RBM46: variants seen among roughly 807,000 people sequenced by gnomAD.
The protein encoded by RBM46 is RNA binding motif protein 46.
A neutral mutation model predicts 43.3 loss-of-function variants in RBM46; 12 were observed. The ratio of observed to expected loss-of-function variants is 0.28; its 90% confidence interval spans 0.18 to 0.45. RBM46 has a LOEUF of 0.45. Ranked by LOEUF, RBM46 falls within the 20% of genes least tolerant of loss-of-function variation. The pLI is 1.00. For missense variants in RBM46, 412 were observed against 639.1 expected, an observed-to-expected ratio of 0.64 and a Z score of 3.83; for synonymous variants, 205 against 207.6, an observed-to-expected ratio of 0.99 and a Z score of 0.11.
Position 154,799,476 on chromosome 4 carries a change from A to G in RBM46, c.1314A>G (p.Gly438=), listed in dbSNP as rs1219356261. 1.9e-6 allele frequency: 3 copies of G among 1,613,656 alleles called. No homozygotes were observed. In the Admixed American group the frequency reaches 5.0e-5, roughly 27 times the overall value. Residue 438 remains glycine (G), a synonymous_variant, in exon 4 of 5, where the codon GGA becomes GGG. Coordinates refer to ENST00000281722, the MANE Select transcript of RBM46 (RefSeq NM_144979.5). ...YKIVIPAIAN[G]SQSYFMPDKL... is the part of the protein sequence containing the mutation. Reference sequence around the variant, plus strand: ...TAGTTATTCCTGCTATTGCAAATGGATCCCAGAGTTACTTCATGCCAGACA... The same window carrying G: ...TAGTTATTCCTGCTATTGCAAATGGGTCCCAGAGTTACTTCATGCCAGACA...
chr4:154,801,143 T>C (rs1734618347), intron 4 of RBM46, among the ~76,000 whole-genome samples: 1 of 152,088 alleles, frequency 6.6e-6, no homozygotes, highest in African/African-American at 2.4e-5. Flanking sequence ...CGTGCCCGGC[T>C]AATTTTTGTA....
At chr4:154,804,352 G>T (rs530668952) in intron 4 of RBM46, among the ~76,000 whole-genome samples, 1 of 152,046 alleles carries the variant, frequency 6.6e-6, no homozygotes, top group Non-Finnish European at 1.5e-5. Flanking sequence ...TCACAATCTC[G>T]TTATCTGTTT....
chr4:154,804,175 G>C (rs1304631273), intron 4 of RBM46, among the ~76,000 whole-genome samples: 1 of 152,114 alleles, frequency 6.6e-6, no homozygotes, highest in Admixed American at 6.6e-5. Flanking sequence ...CCTCTTTTCT[G>C]TATAAATTAC....
intron 2 of RBM46, among the ~76,000 whole-genome samples, chr4:154,797,288 C>T (rs577561956): frequency 8.5e-4 from 130 of 152,170 alleles, no homozygotes; most frequent in African/African-American, 2.9e-3. Flanking sequence ...ATAGAATGTT[C>T]GACTTTTCTA....
chr4:154,799,905 A>G (rs565294009), intron 4 of RBM46, among the ~76,000 whole-genome samples: 2 of 152,056 alleles, frequency 1.3e-5, no homozygotes, highest in South Asian at 4.2e-4. Flanking sequence ...GACTACAGGC[A>G]CGTGCCACCA....
In RBM46 at chr4:154,828,674, G is replaced by C. The variant is rs2111234345; in HGVS notation, c.*607G>C. The C allele has an allele frequency of 6.6e-6, 1 of 152,608 alleles. No individual in the cohort carries two copies. The highest frequency in any genetic ancestry group is 2.1e-4 in the South Asian group (1 of 4,816). The allele number at this position is 152,608 out of a possible 1,614,324, so 9.5% of individuals were successfully genotyped here. On this transcript the variant is annotated 3_prime_UTR_variant, in exon 5 of 5. Transcript: ENST00000281722. ...ATAATTTTGTTGTTAATGTATTTAA[G>C]CATTTTATAGTTATGCTTTGTGTTT...
chr4:154,792,587 A>T (rs1386827609), intron 1 of RBM46, among the ~76,000 whole-genome samples: 1 of 152,130 alleles, frequency 6.6e-6, no homozygotes, highest in Non-Finnish European at 1.5e-5. Context: ...AGATGGAGGG[A>T]ATTGACAGTC....
chr4:154,827,900 C>T lies in RBM46; in HGVS notation c.1435C>T (p.Leu479Phe). 6.2e-7 allele frequency: 1 copy of T among 1,613,894 alleles called. No homozygotes were observed. The highest frequency in any genetic ancestry group is 8.5e-7 in the Non-Finnish European group (1 of 1,179,836). The change falls in exon 5 of 5, where the codon CTT becomes TTT. Residue 479 changes from leucine to phenylalanine, a missense_variant. This residue lies in a region of RBM46 where 149 missense variants were observed against 156.3 expected (regional missense o/e 0.95). Coordinates refer to ENST00000281722, the MANE Select transcript of RBM46 (RefSeq NM_144979.5). ...YNFHRSSINS[L>F]SPVSATLSSG... ...TTTCCATCGCAGCTCAATAAATAGT[C>T]TTTCCCCTGTTAGTGCTACCCTCTC...
intron 4 of RBM46, among the ~76,000 whole-genome samples, chr4:154,803,595 C>T (rs185953306): frequency 0.013 from 1,867 of 148,132 alleles, 48 homozygotes; most frequent in Admixed American, 0.052. Context: ...CCCAGCTACT[C>T]TGGAGGCTGA....
rs1735078945 is a variant in RBM46, at chr4:154,809,542, T to G, written c.1402+9978T>G. Among the ~76,000 whole-genome samples, 3 of 152,166 alleles carry G rather than the reference T, an allele frequency of 2.0e-5. No individual in the cohort carries two copies. The South Asian group carries it at 6.2e-4, about 31-fold the overall frequency. ...AATAATCTGAATATAGTTAGCTTAC[T>G]TGTTTATCCTAGAATGCTCTTTAAA... On this transcript the variant is annotated intron_variant, in intron 4 of 4. Transcript: ENST00000281722.
At chr4:154,811,665 GTGTC>G (rs375987835) in intron 4 of RBM46, among the ~76,000 whole-genome samples, 5,320 of 132,904 alleles carry the variant, frequency 0.04, 119 homozygotes, top group South Asian at 0.065. Context: ...GTGTGTGTGT[GTGTC>G]TGTGTGTGTG....
At chr4:154,801,984 G>T (rs1191751604) in intron 4 of RBM46, among the ~76,000 whole-genome samples, 1 of 152,148 alleles carries the variant, frequency 6.6e-6, no homozygotes, top group Non-Finnish European at 1.5e-5. Context: ...TATCAATGCT[G>T]ATTTTAATAA....
At chr4:154,802,599 T>A (rs1734691272) in intron 4 of RBM46, among the ~76,000 whole-genome samples, 1 of 151,078 alleles carries the variant, frequency 6.6e-6, no homozygotes, top group Admixed American at 6.6e-5. Context: ...AGTAAATACT[T>A]ACGTAGTCCA....
intron 1 of RBM46, among the ~76,000 whole-genome samples, chr4:154,796,424 C>G (rs974269716): frequency 5.3e-5 from 8 of 152,166 alleles, no homozygotes; most frequent in Admixed American, 3.9e-4. Context: ...TGTTGTTACT[C>G]TGTTTGCTTT....
intron 4 of RBM46, among the ~76,000 whole-genome samples, chr4:154,799,888 TA>T (rs992734924): frequency 3.6e-4 from 54 of 152,038 alleles, no homozygotes; most frequent in African/African-American, 1.2e-3. Flanking sequence ...GCCTCCCGCG[TA>T]GCTGGGACTA....
intron 4 of RBM46, among the ~76,000 whole-genome samples, chr4:154,821,782 G>C (rs973359679): frequency 6.6e-6 from 1 of 151,646 alleles, no homozygotes; most frequent in Non-Finnish European, 1.5e-5. Flanking sequence ...ACTCCATTGA[G>C]ATTTCTTCCC....
chr4:154,792,481 T>C (rs570448308), intron 1 of RBM46, among the ~76,000 whole-genome samples: 2 of 152,312 alleles, frequency 1.3e-5, no homozygotes, highest in East Asian at 3.9e-4. Flanking sequence ...GTCTCATTCA[T>C]TGAATGAATA....
At chr4:154,809,385 C>G (rs370677401) in intron 4 of RBM46, among the ~76,000 whole-genome samples, 1 of 151,852 alleles carries the variant, frequency 6.6e-6, no homozygotes, top group South Asian at 2.1e-4. Flanking sequence ...TAGATTTAAT[C>G]AGAATTTTTC....
At chr4:154,815,138 C>G (rs1391824711) in intron 4 of RBM46, among the ~76,000 whole-genome samples, 2 of 151,976 alleles carry the variant, frequency 1.3e-5, no homozygotes, top group African/African-American at 4.8e-5. Flanking sequence ...TGGATTGATT[C>G]ATACTATTTC....
Sources: gnomAD v4.1 joint callset for allele counts (sites outside exome capture counted in the v4.1 genomes callset) on GRCh38, gnomAD v4.1.1 for gene constraint, gnomAD v4.1.1 regional missense constraint, MANE v1.5 for transcripts, NCBI Gene and HGNC (gene_info 2026-07-23, HGNC 2026-07-21) for gene names.